Variants in CDH13 observed in about 807,000 individuals in gnomAD.
The protein encoded by CDH13 is cadherin-13.
Under a neutral mutation model 63.8 loss-of-function variants are expected in CDH13, and 24 were observed. The ratio of observed to expected loss-of-function variants is 0.38; its 90% confidence interval spans 0.27 to 0.53. The LOEUF is 0.53. Ranked by LOEUF, CDH13 falls within the 20% of genes least tolerant of loss-of-function variation. The probability of loss-of-function intolerance (pLI) is 0.85; values close to 1 mark genes in which losing one functional copy is unlikely to be tolerated. For synonymous variants in CDH13, 503 were observed against 355.3 expected, an observed-to-expected ratio of 1.42 and a Z score of -4.67; for missense variants, 1,049 against 903.1, an observed-to-expected ratio of 1.16 and a Z score of -2.07.
intron 2 of CDH13, among the ~76,000 whole-genome samples, chr16:82,864,904 A>G (rs1483251056): frequency 1.3e-5 from 2 of 152,230 alleles, no homozygotes; most frequent in Non-Finnish European, 2.9e-5. Flanking sequence ...TGCTTCCTGG[A>G]TACAATGGAG....
intron 7 of CDH13, among the ~76,000 whole-genome samples, chr16:83,493,658 A>C (rs2074071553): frequency 6.6e-6 from 1 of 152,212 alleles, no homozygotes. Flanking sequence ...GAGATACCAG[A>C]AAAGGGCAGG....
chr16:83,121,730 T>C (rs2035584508), intron 3 of CDH13, among the ~76,000 whole-genome samples: 1 of 152,234 alleles, frequency 6.6e-6, no homozygotes, highest in South Asian at 2.1e-4. Context: ...TTTATTCTTC[T>C]TTTGAATGTA....
intron 6 of CDH13, among the ~76,000 whole-genome samples, chr16:83,450,801 C>T (rs748995003): frequency 3.3e-5 from 5 of 152,052 alleles, no homozygotes; most frequent in Admixed American, 1.3e-4. Context: ...ACCCGGGAGG[C>T]GGAGCTTGCC....
intron 10 of CDH13, among the ~76,000 whole-genome samples, chr16:83,720,120 A>G (rs1026285628): frequency 2.0e-5 from 3 of 152,144 alleles, no homozygotes; most frequent in Admixed American, 6.6e-5. Flanking sequence ...CGAATTTGGG[A>G]CCGGGGTGCT....
rs1031928227 is a variant in CDH13 at position 83,797,140 on chromosome 16, C to T, written c.*2110C>T. 11 of 152,246 alleles carry T rather than the reference C, an allele frequency of 7.2e-5. No individual in the cohort carries two copies. Among genetic ancestry groups the T allele is most frequent in the Non-Finnish European group, 1.0e-4 (7 of 68,056 alleles). 9.4% of individuals were successfully genotyped at this position (152,246 alleles called of 1,614,324 possible). A position where few individuals can be genotyped will look rare whatever the true frequency, so the allele number is the denominator to read the frequency against. On this transcript the variant is annotated 3_prime_UTR_variant, in exon 14 of 14. Coordinates refer to ENST00000567109, the MANE Select transcript of CDH13 (RefSeq NM_001257.5). ...CTCTTCCTGCAAGGCAGGGGGAGAA[C>T]GTTCATCCTTGAACAAACAAAGAGC...
intron 6 of CDH13, among the ~76,000 whole-genome samples, chr16:83,475,206 T>G (rs1205708561): frequency 2.0e-5 from 3 of 152,236 alleles, no homozygotes; most frequent in African/African-American, 7.2e-5. Context: ...TGTGCAACTG[T>G]GCAGGTCACA....
chr16:82,813,705 A>C (rs565397085), intron 1 of CDH13, among the ~76,000 whole-genome samples: 4 of 152,114 alleles, frequency 2.6e-5, no homozygotes, highest in African/African-American at 9.7e-5. Context: ...CAGGCTTTTA[A>C]AGATTCGGCA....
At position 83,667,833 on chromosome 16, in the gene CDH13, A is replaced by AT. The variant is rs558724334; in HGVS notation, c.1102-2948dup. ...CCACCACACCTGGCTAATTTTTTAC[A>AT]TTTTTTTTTAGAGAGATGGGAATCT... On this transcript the variant is annotated intron_variant, in intron 8 of 13. Coordinates refer to ENST00000567109, the MANE Select transcript of CDH13 (RefSeq NM_001257.5). Among the ~76,000 whole-genome samples the AT allele has an allele frequency of 3.2e-3, 475 of 149,950 alleles. 2 individuals carry two copies. Among genetic ancestry groups the AT allele is most frequent in the South Asian group, 9.8e-3 (46 of 4,712 alleles).
chr16:82,797,074 T>A (rs1322028410), intron 1 of CDH13, among the ~76,000 whole-genome samples: 1 of 152,240 alleles, frequency 6.6e-6, no homozygotes, highest in Non-Finnish European at 1.5e-5. Context: ...TTATTCCTCA[T>A]CATTCTAAAA....
At chr16:83,505,893 A>G (rs955868792) in intron 7 of CDH13, among the ~76,000 whole-genome samples, 5 of 152,188 alleles carry the variant, frequency 3.3e-5, no homozygotes, top group Non-Finnish European at 4.4e-5. Context: ...CATTGCCAAC[A>G]TTGCAAACGC....
intron 1 of CDH13, chr16:82,824,365 T>G (rs577402214): frequency 6.6e-6 from 1 of 151,960 alleles, no homozygotes; most frequent in African/African-American, 2.4e-5. Flanking sequence ...CTTGTAGAAA[T>G]AATTAACTAG....
At chr16:83,737,826 T>A (rs1300502792) in intron 10 of CDH13, among the ~76,000 whole-genome samples, 1 of 152,170 alleles carries the variant, frequency 6.6e-6, no homozygotes, top group African/African-American at 2.4e-5. Flanking sequence ...CAAGCTATGC[T>A]TGGGAGGCAG....
intron 8 of CDH13, among the ~76,000 whole-genome samples, chr16:83,619,376 A>C (rs1166624883): frequency 6.6e-6 from 1 of 152,194 alleles, no homozygotes; most frequent in Non-Finnish European, 1.5e-5. Flanking sequence ...CTTGGCATGG[A>C]GCTCAGGGAG....
rs1353118391 is a variant in CDH13 at position 83,486,538 on chromosome 16, C to A, written c.843C>A (p.Leu281=). 6.2e-7 allele frequency: 1 copy of A among 1,613,892 alleles called. No homozygotes were observed. Among genetic ancestry groups the A allele is most frequent in the South Asian group, 1.1e-5 (1 of 91,082 alleles). Residue 281 remains leucine (L), a synonymous_variant, in exon 7 of 14, where the codon CTC becomes CTA. Coordinates refer to ENST00000567109, the MANE Select transcript of CDH13 (RefSeq NM_001257.5). ...DADDPATDNA[L]LRYNIRQQTP... ...ATGACCCAGCCACCGATAATGCCCTCCTGCGGTATAATATCCGTCAGCAGA... is the reference window on the plus strand; with the variant it reads ...ATGACCCAGCCACCGATAATGCCCTACTGCGGTATAATATCCGTCAGCAGA...
At chr16:83,277,327 G>T (rs1366800141) in intron 5 of CDH13, among the ~76,000 whole-genome samples, 1 of 152,158 alleles carries the variant, frequency 6.6e-6, no homozygotes, top group Non-Finnish European at 1.5e-5. Flanking sequence ...AGATAACTAT[G>T]TTCTCCAAAG....
chr16:83,709,504 A>G (rs1340515797), intron 10 of CDH13, among the ~76,000 whole-genome samples: 2 of 152,222 alleles, frequency 1.3e-5, no homozygotes, highest in African/African-American at 4.8e-5. Context: ...GCCTCTGCAC[A>G]GGAATTGCAT....
At chr16:82,934,374 T>C (rs541306999) in intron 2 of CDH13, among the ~76,000 whole-genome samples, 57 of 152,268 alleles carry the variant, frequency 3.7e-4, no homozygotes, top group African/African-American at 1.3e-3. Context: ...GAGCACTAAG[T>C]CCTTAGGCTG....
intron 4 of CDH13, among the ~76,000 whole-genome samples, chr16:83,130,381 C>G (rs1294991291): frequency 6.6e-6 from 1 of 152,146 alleles, no homozygotes; most frequent in Non-Finnish European, 1.5e-5. Flanking sequence ...AACCAGTATC[C>G]TCAGGAAATA....
chr16:82,630,449 C>G (rs181950242), intron 1 of CDH13, among the ~76,000 whole-genome samples: 3 of 152,174 alleles, frequency 2.0e-5, no homozygotes, highest in Non-Finnish European at 2.9e-5. Context: ...CTTAGCTGAT[C>G]GCTCCTACTC....
Sources: gnomAD v4.1 joint callset for allele counts (sites outside exome capture counted in the v4.1 genomes callset) on GRCh38, gnomAD v4.1.1 for gene constraint, MANE v1.5 for transcripts, NCBI Gene and HGNC (gene_info 2026-07-23, HGNC 2026-07-21) for gene names.